ACAD11: variants seen among roughly 807,000 people sequenced by gnomAD.
ACAD11 encodes acyl-CoA dehydrogenase family member 11.
Under a neutral mutation model 102.2 loss-of-function variants are expected in ACAD11, and 83 were observed. That is an observed-to-expected ratio of 0.81 (90% CI 0.68 to 0.97). ACAD11 has a LOEUF of 0.97. Ranked by LOEUF, ACAD11 falls within the 50% of genes least tolerant of loss-of-function variation. ACAD11 has a pLI of 0.00. For missense variants in ACAD11, 901 were observed against 951.7 expected, an observed-to-expected ratio of 0.95 and a Z score of 0.70; for synonymous variants, 324 against 319.8, an observed-to-expected ratio of 1.01 and a Z score of -0.14.
At chr3:132,587,834 TA>T (rs1326584913) in intron 13 of ACAD11, among the ~76,000 whole-genome samples, 2 of 152,210 alleles carry the variant, frequency 1.3e-5, no homozygotes, top group Non-Finnish European at 2.9e-5. Flanking sequence ...TCTTATTATT[TA>T]GCTGCAAGGT....
At chr3:132,576,013 G>A in intron 16 of ACAD11, 87 bp from the exon 17 acceptor site, 1 of 1,472,392 alleles carries the variant, frequency 6.8e-7, no homozygotes, top group Non-Finnish European at 9.2e-7. Flanking sequence ...GGAAAGAGAT[G>A]AGCTGCCCTT....
chr3:132,588,103 C>T (rs1416778472), intron 13 of ACAD11, among the ~76,000 whole-genome samples: 2 of 152,170 alleles, frequency 1.3e-5, no homozygotes, highest in Non-Finnish European at 2.9e-5. Flanking sequence ...ATGAAAAACT[C>T]ACCCTGTGCC....
At chr3:132,621,058 G>C (rs1319860581) in intron 9 of ACAD11, 1 of 152,130 alleles carries the variant, frequency 6.6e-6, no homozygotes, top group African/African-American at 2.4e-5. Flanking sequence ...AATTCAAAAA[G>C]AAGTTCTAAC....
chr3:132,628,073 A>G (rs576294963), intron 8 of ACAD11, among the ~76,000 whole-genome samples: 1 of 152,346 alleles, frequency 6.6e-6, no homozygotes, highest in Admixed American at 6.5e-5. Flanking sequence ...TTAGAAAGAA[A>G]CACTTGAGAG....
At chr3:132,613,611 A>G (rs543728252) in intron 11 of ACAD11, among the ~76,000 whole-genome samples, 14 of 152,120 alleles carry the variant, frequency 9.2e-5, no homozygotes, top group African/African-American at 2.4e-4. Context: ...AGAAAACCCC[A>G]TCATTGGCCG....
intron 10 of ACAD11, 28 bp downstream of exon 10, chr3:132,619,440 A>C (rs771462558): frequency 6.0e-6 from 9 of 1,507,070 alleles, no homozygotes; most frequent in Non-Finnish European, 8.1e-6. Flanking sequence ...CTTGCATATG[A>C]ATTTTCTAGC....
chr3:132,646,035 G>A (rs1940704133), intron 1 of ACAD11: 1 of 151,154 alleles, frequency 6.6e-6, no homozygotes, highest in Non-Finnish European at 1.5e-5. Flanking sequence ...AGGCTGGAGT[G>A]GCGCGATCTC....
intron 4 of ACAD11, 136 bp downstream of exon 4, chr3:132,641,836 A>T: frequency 1.4e-6 from 1 of 712,740 alleles, no homozygotes; most frequent in Non-Finnish European, 2.2e-6. Context: ...ACTAAAAACT[A>T]GTCATTCTGA....
intron 13 of ACAD11, among the ~76,000 whole-genome samples, chr3:132,594,948 T>C (rs1938237120): frequency 6.6e-6 from 1 of 152,212 alleles, no homozygotes; most frequent in African/African-American, 2.4e-5. Context: ...TTATTCTTGG[T>C]ACTCGGGATA....
At chr3:132,606,407 T>C (rs1391917109) in intron 11 of ACAD11, among the ~76,000 whole-genome samples, 1 of 152,236 alleles carries the variant, frequency 6.6e-6, no homozygotes, top group Admixed American at 6.5e-5. Context: ...AATTCACTGT[T>C]ACTTGTTATA....
At chr3:132,605,042 C>T in intron 12 of ACAD11, 56 bp downstream of exon 12, 2 of 1,343,806 alleles carry the variant, frequency 1.5e-6, no homozygotes, top group Non-Finnish European at 2.1e-6. Context: ...TCAGCTCATC[C>T]ATAATAACTC....
At chr3:132,656,580 G>A (rs928846984) in intron 1 of ACAD11, among the ~76,000 whole-genome samples, 2 of 150,778 alleles carry the variant, frequency 1.3e-5, no homozygotes, top group Non-Finnish European at 2.9e-5. Context: ...TAAAGCCTCT[G>A]CCTCCCAGGT....
At chr3:132,604,746 A>G (rs1282042165) in intron 12 of ACAD11, among the ~76,000 whole-genome samples, 1 of 152,234 alleles carries the variant, frequency 6.6e-6, no homozygotes, top group African/African-American at 2.4e-5. Context: ...ATATAAAATT[A>G]TCACAAAGAT....
intron 3 of ACAD11, among the ~76,000 whole-genome samples, chr3:132,642,449 A>C (rs2107886451): frequency 6.6e-6 from 1 of 152,356 alleles, no homozygotes; most frequent in South Asian, 2.1e-4. Context: ...AGGAAAATTT[A>C]AGAATAAGTC....
At chr3:132,609,210 G>A (rs1013445764) in intron 11 of ACAD11, among the ~76,000 whole-genome samples, 4 of 151,836 alleles carry the variant, frequency 2.6e-5, no homozygotes, top group South Asian at 2.1e-4. Context: ...AAATTGACAC[G>A]CTAACATCAC....
At chr3:132,563,400 T>C (rs1937120911) in intron 17 of ACAD11, among the ~76,000 whole-genome samples, 1 of 152,234 alleles carries the variant, frequency 6.6e-6, no homozygotes, top group Admixed American at 6.5e-5. Flanking sequence ...TTGAGGATGG[T>C]TAACATCTTT....
chr3:132,603,473 T>C (rs927656349), intron 12 of ACAD11, 146 bp from the exon 13 acceptor site: 2 of 641,442 alleles, frequency 3.1e-6, no homozygotes, highest in Non-Finnish European at 5.4e-6. Flanking sequence ...TCCCATAACC[T>C]ACACACAGTA....
intron 4 of ACAD11, 151 bp from the exon 5 acceptor site, chr3:132,639,807 A>C: frequency 2.9e-6 from 2 of 680,198 alleles, no homozygotes; most frequent in Non-Finnish European, 2.4e-6. Flanking sequence ...AAACACTCAA[A>C]TCAGCCTAAA....
rs140712582 is a variant in ACAD11, at chr3:132,559,005, C to G, written c.2309G>C (p.Arg770Pro). The G allele has an allele frequency of 6.2e-7, 1 of 1,613,646 alleles. No homozygotes were observed. The highest frequency in any genetic ancestry group is 2.2e-5 in the East Asian group (1 of 44,872). The stretch of plus-strand genomic sequence containing the variant: ...GGCTGTCAGTCTTTTGGCTTGGTCC[C>G]GCAGCTCCATTGTTGCGATTGCTGA... ...HLSAIATMEL[R>P]DQAKRLTAKI The change falls in exon 20 of 20, where the codon CGG becomes CCG. Residue 770 changes from arginine to proline, a missense_variant. Arg to Pro is a moderately radical substitution (Grantham distance 103, BLOSUM62 -2). Coordinates refer to ENST00000264990, the MANE Select transcript of ACAD11 (RefSeq NM_032169.5).
Sources: gnomAD v4.1 joint callset for allele counts (sites outside exome capture counted in the v4.1 genomes callset) on GRCh38, gnomAD v4.1.1 for gene constraint, MANE v1.5 for transcripts, NCBI Gene and HGNC (gene_info 2026-07-23, HGNC 2026-07-21) for gene names.